Variants in KIAA0319L observed in about 807,000 individuals in gnomAD.
KIAA0319L encodes dyslexia-associated protein KIAA0319-like protein.
Under a neutral mutation model 120.1 loss-of-function variants are expected in KIAA0319L, and 55 were observed. The ratio of observed to expected loss-of-function variants is 0.46; its 90% CI spans 0.37 to 0.57. The LOEUF (loss-of-function observed/expected upper bound fraction) is 0.57, where lower values mean the gene tolerates loss of function less well. Among genes scored for constraint, KIAA0319L ranks in the 20% least tolerant of loss-of-function variants. The probability of loss-of-function intolerance (pLI) is 0.00; values close to 1 mark genes in which losing one functional copy is unlikely to be tolerated. For synonymous variants in KIAA0319L, 398 were observed against 471.9 expected (o/e 0.84, Z 2.03); for missense variants, 1,049 against 1,255.3 (o/e 0.84, Z 2.48).
rs541456157 is a variant in KIAA0319L at position 35,527,441 on chromosome 1, G to A, written c.143-20306C>T. ...TCTATGAATTAGAGAGAGTTTCTGC[G>A]TCTTCTATTTCTTGGACTAGTTTGA... On this transcript the variant is annotated intron_variant, in intron 2 of 20. Coordinates refer to ENST00000325722, the MANE Select transcript of KIAA0319L (RefSeq NM_024874.5). 8.5e-5 allele frequency among the ~76,000 whole-genome samples: 13 copies of A among 152,154 alleles called. No individual in the cohort carries two copies. The East Asian group carries it at 1.5e-3, about 18-fold the overall frequency.
At chr1:35,504,687 C>A (rs185072870) in intron 3 of KIAA0319L, among the ~76,000 whole-genome samples, 2 of 152,162 alleles carry the variant, frequency 1.3e-5, no homozygotes, top group African/African-American at 4.8e-5. Flanking sequence ...ATTCCTAACC[C>A]CTACACTGTT....
intron 2 of KIAA0319L, among the ~76,000 whole-genome samples, chr1:35,538,815 T>C (rs1008807121): frequency 6.6e-6 from 1 of 152,088 alleles, no homozygotes; most frequent in Non-Finnish European, 1.5e-5. Context: ...GTGTTTTTAC[T>C]TGTGTTTTTT....
At chr1:35,438,936 A>T (rs1433474153) in intron 20 of KIAA0319L, 1 of 152,504 alleles carries the variant, frequency 6.6e-6, no homozygotes, top group Non-Finnish European at 1.5e-5. Flanking sequence ...ACCTGAGCCC[A>T]GGAGGTCAAG....
At chr1:35,443,118 C>T in intron 17 of KIAA0319L, 90 bp from the exon 18 acceptor site, 10 of 1,487,006 alleles carry the variant, frequency 6.7e-6, no homozygotes, top group Non-Finnish European at 9.3e-6. Context: ...CCAAAGCACC[C>T]CAGATTAATG....
intron 3 of KIAA0319L, among the ~76,000 whole-genome samples, chr1:35,497,224 G>A (rs1441606723): frequency 1.3e-5 from 2 of 149,544 alleles, no homozygotes; most frequent in Non-Finnish European, 3.0e-5. Flanking sequence ...CAAACTGTAC[G>A]GCAGGAAAAA....
At chr1:35,528,159 C>T (rs1473598998) in intron 2 of KIAA0319L, among the ~76,000 whole-genome samples, 1 of 152,188 alleles carries the variant, frequency 6.6e-6, no homozygotes, top group Non-Finnish European at 1.5e-5. Flanking sequence ...ACAATCATGG[C>T]TCACTGCTAC....
chr1:35,442,133 T>C, intron 19 of KIAA0319L, 113 bp downstream of exon 19: 1 of 805,900 alleles, frequency 1.2e-6, no homozygotes, highest in African/African-American at 1.7e-5. Flanking sequence ...AACTCTCTAA[T>C]GCTGACTAAG....
Position 35,452,299 on chromosome 1 carries a change from T to C in KIAA0319L, c.1914-523A>G, listed in dbSNP as rs1642119544. The stretch of plus-strand genomic sequence containing the variant: ...TAGCAACTCTATAAGCAAAGTTCCC[T>C]CCAGCTCCTGGACAGGGGCCATCAA... On this transcript the variant is annotated intron_variant, in intron 12 of 20. Transcript: ENST00000325722. Among the ~76,000 whole-genome samples the C allele has an allele frequency of 2.0e-5, 3 of 152,178 alleles. No individual in the cohort carries two copies. The South Asian group carries it at 6.2e-4, about 32-fold the overall frequency.
chr1:35,484,304 G>T (rs2149154381), intron 3 of KIAA0319L, among the ~76,000 whole-genome samples: 1 of 152,240 alleles, frequency 6.6e-6, no homozygotes, highest in African/African-American at 2.4e-5. Context: ...AGCTAGGTAT[G>T]GTGGTGCACA....
chr1:35,532,806 G>A (rs895929121), intron 2 of KIAA0319L, among the ~76,000 whole-genome samples: 4 of 152,218 alleles, frequency 2.6e-5, no homozygotes, highest in African/African-American at 7.2e-5. Flanking sequence ...AGTCTGGAAT[G>A]CACTGTTGGT....
At chr1:35,487,791 C>A (rs776327694) in intron 3 of KIAA0319L, among the ~76,000 whole-genome samples, 5 of 152,182 alleles carry the variant, frequency 3.3e-5, no homozygotes, top group Non-Finnish European at 2.9e-5. Context: ...CGAAGTTCAC[C>A]TTGTGTAGAT....
intron 2 of KIAA0319L, among the ~76,000 whole-genome samples, chr1:35,536,048 G>C (rs1452798884): frequency 6.6e-6 from 1 of 152,152 alleles, no homozygotes; most frequent in Non-Finnish European, 1.5e-5. Context: ...ATAGTCATTT[G>C]AATCAGATCC....
intron 1 of KIAA0319L, among the ~76,000 whole-genome samples, chr1:35,555,270 A>C (rs1334125044): frequency 6.6e-6 from 1 of 152,202 alleles, no homozygotes; most frequent in Non-Finnish European, 1.5e-5. Context: ...ATGAGGGTTG[A>C]CTGAGTTCTG....
chr1:35,533,086 C>G (rs987256002), intron 2 of KIAA0319L: 5 of 152,122 alleles, frequency 3.3e-5, no homozygotes, highest in African/African-American at 1.2e-4. Flanking sequence ...TGAATTATTG[C>G]CAGAAGGAAA....
intron 3 of KIAA0319L, among the ~76,000 whole-genome samples, chr1:35,495,133 G>C (rs992725452): frequency 1.3e-5 from 2 of 152,152 alleles, no homozygotes; most frequent in African/African-American, 4.8e-5. Context: ...AGCACTTTGA[G>C]AGGACGAGGC....
chr1:35,465,842 G>C (rs893660283), intron 7 of KIAA0319L, among the ~76,000 whole-genome samples: 2 of 151,368 alleles, frequency 1.3e-5, no homozygotes, highest in African/African-American at 4.8e-5. Flanking sequence ...AATGAGATTT[G>C]ATGGTTTTAA....
intron 3 of KIAA0319L, among the ~76,000 whole-genome samples, chr1:35,492,189 T>C (rs1483779357): frequency 1.3e-5 from 2 of 152,106 alleles, no homozygotes; most frequent in Non-Finnish European, 2.9e-5. Context: ...TGACAAAAAT[T>C]TGATAAATCA....
intron 2 of KIAA0319L, among the ~76,000 whole-genome samples, chr1:35,513,286 A>ATTTTTTTT (rs1410797390): frequency 9.7e-6 from 1 of 102,776 alleles, no homozygotes; most frequent in South Asian, 3.1e-4. Context: ...ATATATATAT[A>ATTTTTTTT]TATTTTTTTT....
At chr1:35,447,217 C>T (rs1396236500) in intron 16 of KIAA0319L, among the ~76,000 whole-genome samples, 1 of 149,638 alleles carries the variant, frequency 6.7e-6, no homozygotes, top group African/African-American at 2.5e-5. Context: ...AGACTAGCTT[C>T]CACACTACTG....
Sources: gnomAD v4.1 joint callset for allele counts (sites outside exome capture counted in the v4.1 genomes callset) on GRCh38, gnomAD v4.1.1 for gene constraint, MANE v1.5 for transcripts, NCBI Gene and HGNC (gene_info 2026-07-23, HGNC 2026-07-21) for gene names.